LHX8: variants seen among roughly 807,000 people sequenced by gnomAD.
LHX8 encodes LIM/homeobox protein Lhx8.
Under a neutral mutation model 40.3 loss-of-function variants are expected in LHX8, and 12 were observed. The ratio of observed to expected loss-of-function variants is 0.30; its 90% CI spans 0.19 to 0.48. The LOEUF is 0.48. Ranked by LOEUF, LHX8 falls within the 20% of genes least tolerant of loss-of-function variation. The pLI is 0.99. For missense variants in LHX8, 344 were observed against 433.7 expected, an observed-to-expected ratio of 0.79 and a Z score of 1.84; for synonymous variants, 179 against 162.0, an observed-to-expected ratio of 1.10 and a Z score of -0.80.
chr1:75,141,168 G>C (rs945068620), intron 4 of LHX8, 62 bp downstream of exon 4: 21 of 1,556,284 alleles, frequency 1.3e-5, no homozygotes, highest in Non-Finnish European at 1.8e-5. Flanking sequence ...AGAGACTTTT[G>C]TAATAGGCTT....
intron 6 of LHX8, among the ~76,000 whole-genome samples, chr1:75,146,662 G>C (rs1260037498): frequency 2.0e-5 from 3 of 152,130 alleles, no homozygotes; most frequent in African/African-American, 7.2e-5. Context: ...TTAGTGCCTA[G>C]AGAATAGTGA....
chr1:75,151,230 A>G (rs1221763903), intron 7 of LHX8, among the ~76,000 whole-genome samples: 1 of 152,160 alleles, frequency 6.6e-6, no homozygotes, highest in Non-Finnish European at 1.5e-5. Flanking sequence ...TTCTCTAAAG[A>G]CCTAGGGTTC....
intron 4 of LHX8, among the ~76,000 whole-genome samples, chr1:75,142,693 A>C (rs985661480): frequency 2.0e-5 from 3 of 152,212 alleles, no homozygotes; most frequent in Non-Finnish European, 4.4e-5. Context: ...GGTTTTAAGA[A>C]GTCATTATTT....
chr1:75,178,533 T>A, the LHX8 span, among the ~76,000 whole-genome samples: 1 of 152,202 alleles, frequency 6.6e-6, no homozygotes, highest in African/African-American at 2.4e-5. Flanking sequence ...CTTTATCATT[T>A]TTTATTGCAT....
chr1:75,143,862 G>A lies in LHX8; in HGVS notation c.598G>A (p.Glu200Lys), dbSNP rs773525258. The stretch of plus-strand genomic sequence containing the variant: ...AAATGCAGGGAATGGGATTAGTGTG[G>A]AAGGTGCCCTCCTCACAGAGCAAGA... ...EVENGNGISV[E>K]GALLTEQDVN... The change falls in exon 6 of 9, where the codon GAA becomes AAA. Residue 200 changes from glutamate (E) to lysine (K), a missense_variant. This residue lies in a region of LHX8 where 147 missense variants were observed against 250.8 expected (regional missense o/e 0.59). Coordinates refer to ENST00000356261, the MANE Select transcript of LHX8 (RefSeq NM_001256114.2). 8.7e-6 allele frequency: 14 copies of A among 1,612,960 alleles called. No individual in the cohort carries two copies. Among genetic ancestry groups the A allele is most frequent in the Non-Finnish European group, 1.2e-5 (14 of 1,179,266 alleles).
At chr1:75,160,782 T>A in intron 8 of LHX8, 37 bp from the exon 9 acceptor site, 1 of 1,429,622 alleles carries the variant, frequency 7.0e-7, no homozygotes, top group Non-Finnish European at 9.9e-7. Context: ...TTATGCACCC[T>A]ACAAAACTGA....
Position 75,143,156 on chromosome 1 carries a change from T to C in LHX8, c.398T>C (p.Ile133Thr). 6.2e-7 allele frequency: 1 copy of C among 1,613,760 alleles called. No individual in the cohort carries two copies. Among genetic ancestry groups the C allele is most frequent in the Non-Finnish European group, 8.5e-7 (1 of 1,179,732 alleles). ...GTRCSRCGRH[I>T]HSTDWVRRAK... ...CGCTGCTCTCGATGTGGGAGACACA[T>C]CCATTCTACTGACTGGGTCCGGAGA... is the stretch of plus-strand genomic sequence containing the variant. The change falls in exon 5 of 9, where the codon ATC becomes ACC. Residue 133 changes from isoleucine (I) to threonine (T), a missense_variant. This residue lies in a region of LHX8 where 147 missense variants were observed against 250.8 expected (regional missense o/e 0.59). Coordinates refer to ENST00000356261, the MANE Select transcript of LHX8 (RefSeq NM_001256114.2).
upstream of LHX8, chr1:75,130,291 G>T (rs41289230): frequency 2.6e-3 from 577 of 220,312 alleles, 4 homozygotes; most frequent in African/African-American, 0.012. Context: ...TCTGCGAACC[G>T]GCTGGAAAGA....
At chr1:75,182,407 C>A in the LHX8 span, among the ~76,000 whole-genome samples, 1 of 113,026 alleles carries the variant, frequency 8.8e-6, no homozygotes, top group Non-Finnish European at 1.7e-5. Context: ...GAGTTTCACT[C>A]TTGTTGCCCA....
At position 75,140,547 on chromosome 1, in the gene LHX8, C is replaced by T. The variant is rs148313740; in HGVS notation, c.238-438C>T. ...AGGTATACAGTTTATAATTGTTTAG[C>T]CAAAAAATAGGTTGAGAGAGTATGT... On this transcript the variant is annotated intron_variant, in intron 3 of 8. Coordinates refer to ENST00000356261, the MANE Select transcript of LHX8 (RefSeq NM_001256114.2). 3.8e-3 allele frequency among the ~76,000 whole-genome samples: 585 copies of T among 152,072 alleles called. 4 individuals carry two copies. Among genetic ancestry groups the T allele is most frequent in the Non-Finnish European group, 4.6e-3 (310 of 67,974 alleles).
chr1:75,198,283 G>A, the LHX8 span, among the ~76,000 whole-genome samples: 5 of 152,182 alleles, frequency 3.3e-5, no homozygotes, highest in African/African-American at 1.2e-4. Flanking sequence ...CCAGTACTGT[G>A]ATGCCCTTCA....
the LHX8 span, among the ~76,000 whole-genome samples, chr1:75,179,079 G>A: frequency 6.6e-6 from 1 of 152,144 alleles, no homozygotes; most frequent in African/African-American, 2.4e-5. Flanking sequence ...GCTGAGGAGT[G>A]CTTTACTTCC....
intron 7 of LHX8, among the ~76,000 whole-genome samples, chr1:75,155,230 CTTTTTTTTTTTT>C (rs57009636): frequency 1.1e-5 from 1 of 94,364 alleles, no homozygotes; most frequent in African/African-American, 4.2e-5. Flanking sequence ...GAAACACTCT[CTTTTTTTTTTTT>C]TTTTTTTTTT....
intron 7 of LHX8, among the ~76,000 whole-genome samples, chr1:75,151,752 A>G (rs557291416): frequency 6.6e-6 from 1 of 152,358 alleles, no homozygotes; most frequent in Non-Finnish European, 1.5e-5. Flanking sequence ...AGCTTCAGGT[A>G]AGTCAGATGC....
At chr1:75,148,092 A>G (rs1648509776) in intron 6 of LHX8, among the ~76,000 whole-genome samples, 3 of 152,136 alleles carry the variant, frequency 2.0e-5, no homozygotes, top group Non-Finnish European at 4.4e-5. Context: ...GCATAGAGCT[A>G]GTGCTCAAAA....
the LHX8 span, among the ~76,000 whole-genome samples, chr1:75,183,483 A>T: frequency 1.8e-4 from 21 of 119,150 alleles, no homozygotes; most frequent in Admixed American, 1.7e-3. Context: ...AATGTTCTTA[A>T]AAAAAAAAAT....
the LHX8 span, among the ~76,000 whole-genome samples, chr1:75,187,065 C>T: frequency 1.3e-5 from 2 of 152,100 alleles, no homozygotes; most frequent in Admixed American, 1.3e-4. Context: ...GGTAAGCAGC[C>T]TCTTTTTGCC....
chr1:75,130,373 T>A, upstream of LHX8: 1 of 443,494 alleles, frequency 2.3e-6, no homozygotes, highest in Non-Finnish European at 4.1e-6. Context: ...CAGAACCGCT[T>A]GAAACAACTG....
chr1:75,162,052 A>C (rs1397448780), downstream of LHX8, among the ~76,000 whole-genome samples: 1 of 152,086 alleles, frequency 6.6e-6, no homozygotes, highest in Non-Finnish European at 1.5e-5. Context: ...ATGAGAAAAA[A>C]CTTTTAGAAC....
Sources: allele counts gnomAD v4.1 joint callset (sites outside exome capture counted in the v4.1 genomes callset), GRCh38; gene constraint gnomAD v4.1.1; regional missense constraint gnomAD v4.1.1; transcripts MANE v1.5; gene names NCBI Gene and HGNC (gene_info 2026-07-23, HGNC 2026-07-21).